The following SMYD4 variants were observed in gnomAD, a reference collection of about 807,000 sequenced individuals.
The protein encoded by SMYD4 is SET and MYND domain containing 4.
A neutral mutation model predicts 72.8 loss-of-function variants in SMYD4; 68 were observed. That is an observed-to-expected ratio of 0.93 (90% CI 0.77 to 1.14). The LOEUF is 1.14. Among genes scored for constraint, SMYD4 ranks in the 50% most tolerant of loss-of-function variants. SMYD4 has a pLI of 0.00. For missense variants in SMYD4, 984 were observed against 1,003.7 expected, an observed-to-expected ratio of 0.98 and a Z score of 0.27; for synonymous variants, 407 against 388.6, an observed-to-expected ratio of 1.05 and a Z score of -0.56.
intron 5 of SMYD4, among the ~76,000 whole-genome samples, chr17:1,792,100 G>T (rs1041677388): frequency 7.9e-5 from 12 of 151,856 alleles, no homozygotes; most frequent in African/African-American, 2.7e-4. Context: ...GTGAGTGCAG[G>T]GGCGCGATCG....
At chr17:1,782,925 A>G (rs1374351428) in intron 10 of SMYD4, 110 bp downstream of exon 10, 12 of 1,474,156 alleles carry the variant, frequency 8.1e-6, no homozygotes, top group Non-Finnish European at 1.1e-5. Flanking sequence ...CCTAAAGAGG[A>G]AATAAAGAAG....
intron 9 of SMYD4, 29 bp from the exon 10 acceptor site, chr17:1,783,187 A>T: frequency 6.2e-7 from 1 of 1,613,914 alleles, no homozygotes; most frequent in Non-Finnish European, 8.5e-7. Flanking sequence ...CTTGTTCCAG[A>T]AAAGAACCAC....
In SMYD4 at chr17:1,780,606, CA is replaced by C. The variant is rs1473118912; in HGVS notation, c.*679del. Reference sequence around the variant, plus strand: ...CCCGACCCACAGAACCCACATCTGGCAGCAGAACCTCTTAATATTTTTTTTT... The same window carrying C: ...CCCGACCCACAGAACCCACATCTGGCGCAGAACCTCTTAATATTTTTTTTT... On this transcript the variant is annotated 3_prime_UTR_variant, in exon 11 of 11. Transcript: ENST00000305513. The C allele has an allele frequency of 1.3e-5, 2 of 151,066 alleles. No homozygotes were observed. The highest frequency in any genetic ancestry group is 4.9e-5 in the African/African-American group (2 of 40,754). The allele number at this position is 151,066 out of a possible 1,614,324, so 9.4% of individuals were successfully genotyped here. A position where few individuals can be genotyped will look rare whatever the true frequency, so the allele number is the denominator to read the frequency against.
rs146217987 is a variant in SMYD4 at position 1,800,882 on chromosome 17, C to T, written c.512G>A (p.Arg171Lys). 5.0e-6 allele frequency: 8 copies of T among 1,614,084 alleles called. No individual in the cohort carries two copies. The African/African-American group carries it at 1.1e-4, about 22-fold the overall frequency. The stretch of plus-strand genomic sequence containing the variant: ...TAGGGCTGGTGTGGCTGTGAAGTTC[C>T]TTTCAAGATCACTGATGGTCTGGCT... ...EASQTISDLERNFTATPALAD... is the reference protein window; with the variant it reads ...EASQTISDLEKNFTATPALAD... Residue 171 changes from arginine (R) to lysine (K), a missense_variant, in exon 5 of 11, where the codon AGG becomes AAG. Transcript: ENST00000305513.
intron 2 of SMYD4, among the ~76,000 whole-genome samples, chr17:1,827,212 T>C (rs1376571465): frequency 2.6e-5 from 4 of 151,214 alleles, no homozygotes. Context: ...CATGGTGGTG[T>C]GCGACTGTAA....
chr17:1,801,084 A>C, intron 4 of SMYD4, 60 bp from the exon 5 acceptor site: 11 of 1,467,074 alleles, frequency 7.5e-6, no homozygotes, highest in Non-Finnish European at 4.6e-6. Context: ...ATGTTTACTG[A>C]AAATGTTTCC....
chr17:1,787,688 G>A (rs1206954719), intron 5 of SMYD4, 84 bp from the exon 6 acceptor site: 3 of 1,395,346 alleles, frequency 2.2e-6, no homozygotes, highest in Non-Finnish European at 1.9e-6. Context: ...GATGAGCTGG[G>A]CAGCTAGGCC....
intron 2 of SMYD4, among the ~76,000 whole-genome samples, chr17:1,825,314 C>T (rs189216083): frequency 1.3e-5 from 2 of 152,094 alleles, no homozygotes; most frequent in East Asian, 1.9e-4. Flanking sequence ...TAATGTTGTA[C>T]CCCTTAAACG....
At chr17:1,787,921 G>T (rs1015862790) in intron 5 of SMYD4, among the ~76,000 whole-genome samples, 1 of 152,234 alleles carries the variant, frequency 6.6e-6, no homozygotes, top group Admixed American at 6.5e-5. Flanking sequence ...GAGCGTTCTA[G>T]ATAGTTTCAT....
At chr17:1,786,698 T>C in intron 7 of SMYD4, 112 bp downstream of exon 7, 3 of 1,292,262 alleles carry the variant, frequency 2.3e-6, no homozygotes, top group Non-Finnish European at 3.2e-6. Flanking sequence ...GGAGGTGATA[T>C]TACTGGTCTC....
At chr17:1,789,722 A>AAG (rs1567768017) in intron 5 of SMYD4, among the ~76,000 whole-genome samples, 1 of 144,570 alleles carries the variant, frequency 6.9e-6, no homozygotes, top group East Asian at 2.0e-4. Flanking sequence ...CCGAGATCGC[A>AAG]CCACTGCACT....
intron 5 of SMYD4, among the ~76,000 whole-genome samples, chr17:1,797,016 A>G (rs565405134): frequency 6.7e-6 from 1 of 149,814 alleles, no homozygotes; most frequent in South Asian, 2.1e-4. Context: ...GGCCAGTCCT[A>G]TTTTTAGATG....
chr17:1,809,915 C>A (rs1478820552), intron 3 of SMYD4, among the ~76,000 whole-genome samples: 1 of 152,136 alleles, frequency 6.6e-6, no homozygotes, highest in African/African-American at 2.4e-5. Context: ...CCCACCTCGG[C>A]CTCCCAAAAT....
chr17:1,783,650 G>A, intron 8 of SMYD4, 174 bp from the exon 9 acceptor site: 2 of 1,208,324 alleles, frequency 1.7e-6, no homozygotes, highest in Non-Finnish European at 2.2e-6. Flanking sequence ...GTTTTCTTCT[G>A]TTTTCTCTGT....
At chr17:1,821,930 C>CA (rs59561167) in intron 2 of SMYD4, among the ~76,000 whole-genome samples, 2,836 of 131,578 alleles carry the variant, frequency 0.022, 102 homozygotes, top group African/African-American at 0.073. Flanking sequence ...GATTCTGTCT[C>CA]AAAAAAAAAA....
rs1398544919 is a variant in SMYD4 at position 1,799,871 on chromosome 17, G to A, written c.1523C>T (p.Thr508Ile). 1 of 1,599,982 alleles carries A rather than the reference G, an allele frequency of 6.3e-7. No individual in the cohort carries two copies. The highest frequency in any genetic ancestry group is 1.3e-5 in the African/African-American group (1 of 74,704). The change falls in exon 5 of 11, where the codon ACC (threonine) becomes ATC (isoleucine). Residue 508 changes from threonine to isoleucine, a missense_variant. Physicochemically the swap from Thr to Ile is moderately conservative, Grantham distance 89. Transcript: ENST00000305513. ...QLQCNAQAMT[T>I]IQHTGPKGSI... The stretch of plus-strand genomic sequence containing the variant: ...TTCCCTCTTACCTGTGTGTTGTATG[G>A]TGGTCATCGCCTGAGCGTTACACTG...
At chr17:1,810,003 C>T (rs1318047821) in intron 3 of SMYD4, among the ~76,000 whole-genome samples, 3 of 152,090 alleles carry the variant, frequency 2.0e-5, no homozygotes, top group African/African-American at 7.2e-5. Flanking sequence ...CTATGTTGCC[C>T]AGGCTGGTCT....
intron 5 of SMYD4, among the ~76,000 whole-genome samples, chr17:1,788,823 C>A (rs1433744555): frequency 5.9e-5 from 9 of 152,118 alleles, no homozygotes; most frequent in African/African-American, 2.2e-4. Flanking sequence ...TGTAACACTT[C>A]ACTTAGCCAG....
At chr17:1,827,315 G>A (rs1911234928) in intron 2 of SMYD4, among the ~76,000 whole-genome samples, 1 of 150,892 alleles carries the variant, frequency 6.6e-6, no homozygotes, top group Admixed American at 6.6e-5. Context: ...CTCTAGCCTG[G>A]GTGACAGAGC....
Sources: gnomAD v4.1 joint callset for allele counts (sites outside exome capture counted in the v4.1 genomes callset) on GRCh38, gnomAD v4.1.1 for gene constraint, MANE v1.5 for transcripts, NCBI Gene and HGNC (gene_info 2026-07-23, HGNC 2026-07-21) for gene names.